Variants in CFDP1 observed in about 807,000 individuals in gnomAD.
The protein encoded by CFDP1 is chromatin remodeling protein CFDP1.
A neutral mutation model predicts 40.1 loss-of-function variants in CFDP1; 31 were observed. The ratio of observed to expected loss-of-function variants is 0.77; its 90% CI spans 0.58 to 1.04. CFDP1 has a LOEUF of 1.04. CFDP1 is among the 50% of genes least tolerant of loss of function. The pLI, the probability that CFDP1 is intolerant of heterozygous loss-of-function variation, is 0.00. For synonymous variants in CFDP1, 167 were observed against 120.0 expected, an observed-to-expected ratio of 1.39 and a Z score of -2.56; for missense variants, 423 against 343.4, an observed-to-expected ratio of 1.23 and a Z score of -1.83.
intron 6 of CFDP1, among the ~76,000 whole-genome samples, chr16:75,304,664 G>C (rs868127634): frequency 7.7e-4 from 117 of 152,304 alleles, no homozygotes; most frequent in African/African-American, 2.7e-3. Flanking sequence ...AACTAGTTTG[G>C]TTTCTCAGAA....
At chr16:75,311,710 G>A (rs1209569997) in intron 5 of CFDP1, among the ~76,000 whole-genome samples, 1 of 151,676 alleles carries the variant, frequency 6.6e-6, no homozygotes, top group South Asian at 2.1e-4. Flanking sequence ...TTCTTTGGCA[G>A]AGATATGCAG....
intron 5 of CFDP1, among the ~76,000 whole-genome samples, chr16:75,337,993 C>T (rs972665199): frequency 3.3e-5 from 5 of 152,190 alleles, no homozygotes; most frequent in South Asian, 2.1e-4. Context: ...AGCCAATCAA[C>T]TTTGTCTTTC....
chr16:75,424,609 G>A (rs150841429), intron 1 of CFDP1, among the ~76,000 whole-genome samples: 2 of 152,046 alleles, frequency 1.3e-5, no homozygotes, highest in East Asian at 3.9e-4. Flanking sequence ...CAAAAACTTA[G>A]CGGGCGTGGT....
Position 75,393,962 on chromosome 16 carries a change from G to A in CFDP1, c.650+1128C>T, listed in dbSNP as rs566668065. ...CCCAGCTACTCAGGAGGCTGAGGCA[G>A]AAGAATGACATGAACCCGGGAGGCG... On this transcript the variant is annotated intron_variant, in intron 5 of 6. Transcript: ENST00000283882. 2.4e-4 allele frequency among the ~76,000 whole-genome samples: 37 copies of A among 152,012 alleles called. No individual in the cohort carries two copies. The Middle Eastern group carries it at 0.01, about 42-fold the overall frequency.
At chr16:75,362,427 T>C (rs1231121258) in intron 5 of CFDP1, among the ~76,000 whole-genome samples, 2 of 152,254 alleles carry the variant, frequency 1.3e-5, no homozygotes, top group Non-Finnish European at 2.9e-5. Flanking sequence ...GGCATCCCTA[T>C]GTTCTGGGTT....
At chr16:75,316,182 T>C (rs1329694575) in intron 5 of CFDP1, among the ~76,000 whole-genome samples, 1 of 152,210 alleles carries the variant, frequency 6.6e-6, no homozygotes, top group Non-Finnish European at 1.5e-5. Flanking sequence ...GGTCAGCCCA[T>C]CCTGGCGATG....
intron 5 of CFDP1, among the ~76,000 whole-genome samples, chr16:75,338,579 C>T (rs2078506217): frequency 6.6e-6 from 1 of 152,192 alleles, no homozygotes; most frequent in Non-Finnish European, 1.5e-5. Flanking sequence ...CTAGTGATGT[C>T]ACTGCTGTTG....
chr16:75,368,886 T>G (rs997536380), intron 5 of CFDP1, among the ~76,000 whole-genome samples: 5 of 152,312 alleles, frequency 3.3e-5, no homozygotes, highest in South Asian at 2.1e-4. Flanking sequence ...TTGTTTGTTT[T>G]TTTTTAAGGA....
At chr16:75,432,706 C>G (rs1442095855) in intron 1 of CFDP1, among the ~76,000 whole-genome samples, 3 of 152,102 alleles carry the variant, frequency 2.0e-5, no homozygotes, top group Non-Finnish European at 2.9e-5. Flanking sequence ...TGGGGAAGAC[C>G]AAGAAGGGGG....
intron 5 of CFDP1, among the ~76,000 whole-genome samples, chr16:75,347,097 G>A (rs1160458778): frequency 6.6e-6 from 1 of 152,040 alleles, no homozygotes; most frequent in East Asian, 1.9e-4. Flanking sequence ...TGTAATCCCA[G>A]CACTTTGGGA....
intron 1 of CFDP1, among the ~76,000 whole-genome samples, chr16:75,432,171 A>C (rs2079427905): frequency 6.7e-6 from 1 of 150,266 alleles, no homozygotes; most frequent in Non-Finnish European, 1.5e-5. Context: ...CAGCCTCCCA[A>C]AGTGTTGGGA....
chr16:75,368,761 C>T (rs2078733254), intron 5 of CFDP1, among the ~76,000 whole-genome samples: 1 of 152,024 alleles, frequency 6.6e-6, no homozygotes, highest in Non-Finnish European at 1.5e-5. Flanking sequence ...CCCACTTCAG[C>T]ATTCTGAGTA....
chr16:75,329,555 T>C (rs2078429795), intron 5 of CFDP1, among the ~76,000 whole-genome samples: 1 of 152,158 alleles, frequency 6.6e-6, no homozygotes, highest in Non-Finnish European at 1.5e-5. Flanking sequence ...TGCAGTGGCA[T>C]GATCATAACT....
At chr16:75,362,566 T>G (rs1048458290) in intron 5 of CFDP1, among the ~76,000 whole-genome samples, 2 of 152,202 alleles carry the variant, frequency 1.3e-5, no homozygotes, top group African/African-American at 4.8e-5. Context: ...CAAGAAACCA[T>G]GTAACATAAT....
chr16:75,407,654 C>CAAAAA (rs11456525), intron 4 of CFDP1, among the ~76,000 whole-genome samples: 2 of 116,792 alleles, frequency 1.7e-5, no homozygotes, highest in African/African-American at 3.3e-5. Flanking sequence ...GACCCTGTCT[C>CAAAAA]AAAAAAAAAA....
rs964232859 is a variant in CFDP1 at position 75,433,452 on chromosome 16, G to C, written c.-100C>G. On this transcript the variant is annotated 5_prime_UTR_variant, in exon 1 of 7. Transcript: ENST00000283882. ...ACCATAGAGCCCCGGCGGCGGCGAC[G>C]GCAGCTAGGGCGGCCCCCGACAGCG... 8.6e-6 allele frequency: 10 copies of C among 1,164,128 alleles called. No homozygotes were observed. Among genetic ancestry groups the C allele is most frequent in the African/African-American group, 7.6e-5 (5 of 65,384 alleles). The allele number at this position is 1,164,128 out of a possible 1,614,324, so 72.1% of individuals were successfully genotyped here.
At chr16:75,412,968 A>T (rs1597395634) in intron 2 of CFDP1, among the ~76,000 whole-genome samples, 1 of 152,130 alleles carries the variant, frequency 6.6e-6, no homozygotes, top group Non-Finnish European at 1.5e-5. Context: ...CTTAGTGCTA[A>T]CTTTTCTCCA....
intron 5 of CFDP1, among the ~76,000 whole-genome samples, chr16:75,380,441 G>C (rs184688794): frequency 7.9e-5 from 12 of 152,128 alleles, no homozygotes; most frequent in South Asian, 2.1e-4. Flanking sequence ...ACTTCCAGTC[G>C]GGGTTTTATT....
chr16:75,303,503 A>ACCCCC lies in CFDP1; in HGVS notation c.809+1516_809+1520dup, dbSNP rs36137262. Among the ~76,000 whole-genome samples the ACCCCC allele has an allele frequency of 7.4e-4, 95 of 128,140 alleles. 4 individuals carry two copies. The East Asian group carries it at 8.9e-3, about 12-fold the overall frequency. 84.1% of individuals were successfully genotyped at this position (128,140 alleles called of 152,430 possible). ...TCTTGAAGCCTAATTTAGAAATATG[A>ACCCCC]CCCCCCCCAATAAATCCTTTGTCTA... On this transcript the variant is annotated intron_variant, in intron 6 of 6. Coordinates refer to ENST00000283882, the MANE Select transcript of CFDP1 (RefSeq NM_006324.3).
Sources: gnomAD v4.1 joint callset for allele counts (sites outside exome capture counted in the v4.1 genomes callset) on GRCh38, gnomAD v4.1.1 for gene constraint, MANE v1.5 for transcripts, NCBI Gene and HGNC (gene_info 2026-07-23, HGNC 2026-07-21) for gene names.